Variants in ERCC6L2 observed in about 807,000 individuals in gnomAD.
ERCC6L2 encodes ERCC excision repair 6 like 2.
In ERCC6L2, 77 loss-of-function variants were observed where a neutral mutation model predicts 132.0. The observed-to-expected ratio is 0.58, with a 90% CI of 0.49 to 0.71. The LOEUF (loss-of-function observed/expected upper bound fraction) is 0.71, where lower values mean the gene tolerates loss of function less well. ERCC6L2 is among the 30% of genes least tolerant of loss of function. The pLI is 0.00. For synonymous variants in ERCC6L2, 583 were observed against 632.4 expected (o/e 0.92, Z 1.17); for missense variants, 1,542 against 1,837.6 (o/e 0.84, Z 2.94).
At chr9:95,900,751 C>T (rs1263191269) in intron 3 of ERCC6L2, among the ~76,000 whole-genome samples, 1 of 152,106 alleles carries the variant, frequency 6.6e-6, no homozygotes, top group Non-Finnish European at 1.5e-5. Context: ...ATCATGGTCA[C>T]ATGGTTTTAT....
rs1834059447 is a variant in ERCC6L2, at chr9:96,012,422, A to G, written c.3872A>G (p.Gln1291Arg). The G allele has an allele frequency of 7.3e-7, 1 of 1,364,082 alleles. No individual in the cohort carries two copies. The highest frequency in any genetic ancestry group is 1.5e-5 in the African/African-American group (1 of 67,648). 84.5% of individuals were successfully genotyped at this position (1,364,082 alleles called of 1,614,324 possible). Residue 1291 changes from glutamine to arginine, a missense_variant, in exon 19 of 19, where the codon CAG becomes CGG. Gln to Arg is a conservative substitution (Grantham distance 43). This residue lies in a region of ERCC6L2 where 442 missense variants were observed against 583.4 expected (regional missense o/e 0.76). Coordinates refer to ENST00000653738, the MANE Select transcript of ERCC6L2 (RefSeq NM_020207.7). ...FNNSSFEKGEQRTRKKSDKRE... is the reference protein window; with the variant it reads ...FNNSSFEKGERRTRKKSDKRE... ...AATTCTTCCTTTGAGAAAGGAGAGC[A>G]GCGCACCCGGAAGAAATCTGATAAA...
intron 1 of ERCC6L2, among the ~76,000 whole-genome samples, chr9:95,877,677 C>A (rs1462742471): frequency 6.6e-6 from 1 of 151,828 alleles, no homozygotes; most frequent in Non-Finnish European, 1.5e-5. Flanking sequence ...CATGGTGGTG[C>A]ACACCTGTAG....
intron 17 of ERCC6L2, among the ~76,000 whole-genome samples, chr9:96,004,149 A>G (rs1833783758): frequency 6.6e-6 from 1 of 152,246 alleles, no homozygotes; most frequent in Non-Finnish European, 1.5e-5. Context: ...AGACTGCTTA[A>G]TAATTTTGCA....
At chr9:95,939,364 G>A (rs1027909705) in intron 11 of ERCC6L2, among the ~76,000 whole-genome samples, 5 of 149,940 alleles carry the variant, frequency 3.3e-5, no homozygotes, top group East Asian at 1.9e-4. Context: ...CTTAGTTTTC[G>A]TTAGTCTGAG....
rs535239930 is a variant in ERCC6L2, at chr9:96,016,234, G to A, written c.*3031G>A. On this transcript the variant is annotated 3_prime_UTR_variant, in exon 19 of 19. Transcript: ENST00000653738. The stretch of plus-strand genomic sequence containing the variant: ...GCCATTTTCTTAAAGCAACTGAACT[G>A]TATCTTAATCAGAAACTTAACTAGT... Among the ~76,000 whole-genome samples, 3 of 152,276 alleles carry A rather than the reference G, an allele frequency of 2.0e-5. No homozygotes were observed. In the South Asian group the frequency reaches 6.2e-4, roughly 32 times the overall value.
At chr9:95,911,316 C>A (rs1035856510) in intron 4 of ERCC6L2, among the ~76,000 whole-genome samples, 1 of 152,138 alleles carries the variant, frequency 6.6e-6, no homozygotes, top group East Asian at 1.9e-4. Flanking sequence ...ACCTGTCTGT[C>A]CCCTTAGACT....
chr9:95,949,906 G>A (rs1242645965), intron 12 of ERCC6L2, among the ~76,000 whole-genome samples: 1 of 152,008 alleles, frequency 6.6e-6, no homozygotes, highest in African/African-American at 2.4e-5. Flanking sequence ...TACTTGGGAG[G>A]CTGAGGCAGA....
intron 3 of ERCC6L2, among the ~76,000 whole-genome samples, chr9:95,898,185 CAG>C (rs1564203422): frequency 6.6e-6 from 1 of 152,032 alleles, no homozygotes; most frequent in Non-Finnish European, 1.5e-5. Context: ...CATGGCAAAA[CAG>C]AATTTCAGCT....
At chr9:96,023,313 T>C (rs889439198), downstream of ERCC6L2, among the ~76,000 whole-genome samples, 1 of 152,252 alleles carries the variant, frequency 6.6e-6, no homozygotes, top group African/African-American at 2.4e-5. Context: ...TGTAATATGC[T>C]TTTTTCTTCC....
At chr9:95,915,196 A>G (rs1283726569) in intron 4 of ERCC6L2, among the ~76,000 whole-genome samples, 2 of 152,216 alleles carry the variant, frequency 1.3e-5, no homozygotes, top group African/African-American at 2.4e-5. Flanking sequence ...CCTTTCAGTA[A>G]AGAGACCACT....
rs896778721 is a variant in ERCC6L2, at chr9:96,015,027, T to TTTA, written c.*1826_*1827insATT. 5.7e-5 allele frequency among the ~76,000 whole-genome samples: 7 copies of TTTA among 122,898 alleles called. 1 individual carries two copies. Among genetic ancestry groups the TTTA allele is most frequent in the African/African-American group, 2.7e-4 (7 of 26,214 alleles). 80.6% of individuals were successfully genotyped at this position (122,898 alleles called of 152,430 possible). On this transcript the variant is annotated 3_prime_UTR_variant, in exon 19 of 19. Transcript: ENST00000653738. ...TCATATATGTACAGTTTTTTTTTTT[T>TTTA]TTTTTTTTTTTTTGAGATTGAGTCT...
chr9:95,921,049 A>T, intron 6 of ERCC6L2, 126 bp from the exon 7 acceptor site: 1 of 831,234 alleles, frequency 1.2e-6, no homozygotes, highest in Non-Finnish European at 1.8e-6. Flanking sequence ...TATTGGGATT[A>T]CAGGCGTGAG....
At chr9:96,001,414 C>G (rs1039090572) in intron 17 of ERCC6L2, among the ~76,000 whole-genome samples, 2 of 152,174 alleles carry the variant, frequency 1.3e-5, no homozygotes, top group South Asian at 2.1e-4. Flanking sequence ...TTCTCCACGT[C>G]CCCATCAGAT....
At position 96,012,453 on chromosome 9, in the gene ERCC6L2, A is replaced by T. The variant is rs766105480; in HGVS notation, c.3903A>T (p.Glu1301Asp). 5.1e-6 allele frequency: 7 copies of T among 1,366,558 alleles called. No individual in the cohort carries two copies. The highest frequency in any genetic ancestry group is 6.9e-6 in the Non-Finnish European group (7 of 1,021,398). 84.7% of individuals were successfully genotyped at this position (1,366,558 alleles called of 1,614,324 possible). A position where few individuals can be genotyped will look rare whatever the true frequency, so the allele number is the denominator to read the frequency against. The change falls in exon 19 of 19, where the codon GAA becomes GAT. Residue 1301 changes from glutamate to aspartate, a missense_variant. By Grantham distance (45) the Glu-to-Asp change is conservative. Around this residue, in one of 4 missense-constraint regions of ERCC6L2, gnomAD observed 442 missense variants for 583.4 expected, o/e 0.76. Transcript: ENST00000653738. ...CCCGGAAGAAATCTGATAAAAGAGA[A>T]TCTCTTATAAAACCAAGGCTGTCAG... Reference protein sequence around the residue: ...QRTRKKSDKRESLIKPRLSDS... With the variant: ...QRTRKKSDKRDSLIKPRLSDS...
At chr9:95,958,922 G>GAA (rs1444573678) in intron 13 of ERCC6L2, among the ~76,000 whole-genome samples, 2 of 151,436 alleles carry the variant, frequency 1.3e-5, no homozygotes, top group African/African-American at 4.9e-5. Context: ...CGGATAGGAA[G>GAA]AATCAATATC....
intron 12 of ERCC6L2, among the ~76,000 whole-genome samples, chr9:95,942,191 C>T (rs989396781): frequency 1.3e-5 from 2 of 152,054 alleles, no homozygotes; most frequent in African/African-American, 4.8e-5. Context: ...CAGAGCCAAG[C>T]CTGAAGTACT....
At chr9:96,003,105 A>G (rs1833746114) in intron 17 of ERCC6L2, among the ~76,000 whole-genome samples, 1 of 152,106 alleles carries the variant, frequency 6.6e-6, no homozygotes, top group African/African-American at 2.4e-5. Flanking sequence ...CTATGTGTTT[A>G]TTCATTCATA....
chr9:95,915,965 A>G (rs570053753), intron 5 of ERCC6L2, 136 bp downstream of exon 5: 1 of 900,762 alleles, frequency 1.1e-6, no homozygotes, highest in Non-Finnish European at 1.7e-6. Flanking sequence ...CAGATGTGGT[A>G]TACACAGTAG....
intron 16 of ERCC6L2, among the ~76,000 whole-genome samples, chr9:95,973,672 T>C (rs185306646): frequency 1.8e-4 from 28 of 152,206 alleles, no homozygotes; most frequent in Admixed American, 1.8e-3. Context: ...CCTGCCCCCA[T>C]CATTCAGTTA....
Sources: allele counts gnomAD v4.1 joint callset (sites outside exome capture counted in the v4.1 genomes callset), GRCh38; gene constraint gnomAD v4.1.1; regional missense constraint gnomAD v4.1.1; transcripts MANE v1.5; gene names NCBI Gene and HGNC (gene_info 2026-07-23, HGNC 2026-07-21).